The following RAD51B variants were observed in gnomAD, a reference collection of about 807,000 sequenced individuals.
RAD51B encodes the protein DNA repair protein RAD51 homolog 2.
In RAD51B, 38 loss-of-function variants were observed where a neutral mutation model predicts 42.2. That is an observed-to-expected ratio of 0.90 (90% CI 0.70 to 1.18). The LOEUF is 1.18. Among genes scored for constraint, RAD51B ranks in the 50% most tolerant of loss-of-function variants. The pLI is 0.00. For synonymous variants in RAD51B, 154 were observed against 145.2 expected (o/e 1.06, Z -0.43); for missense variants, 373 against 400.7 (o/e 0.93, Z 0.59).
chr14:68,582,700 A>G (rs1890265630), intron 10 of RAD51B, among the ~76,000 whole-genome samples: 1 of 152,242 alleles, frequency 6.6e-6, no homozygotes, highest in African/African-American at 2.4e-5. Context: ...AGACACATGC[A>G]CACGTATGTT....
At chr14:68,529,287 C>T (rs1268672837) in intron 10 of RAD51B, among the ~76,000 whole-genome samples, 1 of 152,224 alleles carries the variant, frequency 6.6e-6, no homozygotes, top group Non-Finnish European at 1.5e-5. Flanking sequence ...ACTTCCTCCT[C>T]CTAGGTTCAG....
Position 68,219,211 on chromosome 14 carries a change from C to T in RAD51B, c.757-72673C>T, listed in dbSNP as rs77816847. Among the ~76,000 whole-genome samples the T allele has an allele frequency of 5.1e-3, 772 of 152,268 alleles. 7 individuals are homozygous for T. Among genetic ancestry groups the T allele is most frequent in the African/African-American group, 0.018 (728 of 41,536 alleles). On this transcript the variant is annotated intron_variant, in intron 7 of 10. Coordinates refer to ENST00000471583, the MANE Select transcript of RAD51B (RefSeq NM_133510.4). ...AATTTTTTTCTCCCATGAGGATGCA[C>T]TATGAAGGAAACCGCTAGGAAATTG...
At chr14:67,936,176 C>T (rs1464462810) in intron 7 of RAD51B, among the ~76,000 whole-genome samples, 1 of 152,258 alleles carries the variant, frequency 6.6e-6, no homozygotes, top group Middle Eastern at 3.4e-3. Context: ...GTGCAACGAT[C>T]ACCACAGTCT....
At chr14:68,456,700 T>C (rs2085695523) in intron 9 of RAD51B, among the ~76,000 whole-genome samples, 1 of 151,928 alleles carries the variant, frequency 6.6e-6, no homozygotes, top group Non-Finnish European at 1.5e-5. Context: ...AGCAAAGAAA[T>C]AGAAGACTCA....
At chr14:68,031,397 A>G (rs1427385244) in intron 7 of RAD51B, among the ~76,000 whole-genome samples, 3 of 152,196 alleles carry the variant, frequency 2.0e-5, no homozygotes, top group Non-Finnish European at 2.9e-5. Context: ...TTGGGTGGGG[A>G]CACAGAGCCA....
intron 8 of RAD51B, among the ~76,000 whole-genome samples, chr14:68,353,600 AG>A (rs2082834339): frequency 6.6e-6 from 1 of 152,194 alleles, no homozygotes; most frequent in African/African-American, 2.4e-5. Flanking sequence ...ATCAGGGCTG[AG>A]GAAGGTGCAT....
intron 7 of RAD51B, among the ~76,000 whole-genome samples, chr14:68,171,500 C>T (rs1193757563): frequency 6.6e-6 from 1 of 151,998 alleles, no homozygotes; most frequent in East Asian, 1.9e-4. Flanking sequence ...AGTGTTTCAC[C>T]ATGTTGGCCC....
intron 7 of RAD51B, among the ~76,000 whole-genome samples, chr14:68,074,797 C>T (rs2076806528): frequency 6.6e-6 from 1 of 152,180 alleles, no homozygotes; most frequent in Non-Finnish European, 1.5e-5. Flanking sequence ...CGTATATTAG[C>T]AAAGTATTTT....
chr14:68,273,092 G>C (rs1595640338), intron 7 of RAD51B, among the ~76,000 whole-genome samples: 1 of 152,132 alleles, frequency 6.6e-6, no homozygotes, highest in African/African-American at 2.4e-5. Flanking sequence ...AAAGAGCCAC[G>C]AGTGACCACT....
At chr14:68,539,848 T>C (rs983634408) in intron 10 of RAD51B, among the ~76,000 whole-genome samples, 1 of 152,226 alleles carries the variant, frequency 6.6e-6, no homozygotes, top group Admixed American at 6.5e-5. Flanking sequence ...GGAGGGACTT[T>C]TCTTCCTCAT....
intron 7 of RAD51B, among the ~76,000 whole-genome samples, chr14:68,111,617 G>A (rs534216130): frequency 4.6e-5 from 7 of 151,942 alleles, no homozygotes; most frequent in Non-Finnish European, 1.0e-4. Context: ...ACCATCCTAC[G>A]TACTTTGGTT....
intron 8 of RAD51B, among the ~76,000 whole-genome samples, chr14:68,299,419 C>T (rs1246542199): frequency 6.6e-6 from 1 of 152,056 alleles, no homozygotes; most frequent in Non-Finnish European, 1.5e-5. Context: ...TCATTATTCC[C>T]TAAACAGTAC....
rs932685576 is a variant in RAD51B at position 68,420,435 on chromosome 14, GT to G, written c.957+8918del. 6.3e-3 allele frequency among the ~76,000 whole-genome samples: 945 copies of G among 150,192 alleles called. 5 individuals carry two copies. Among genetic ancestry groups the G allele is most frequent in the African/African-American group, 0.021 (859 of 41,000 alleles). On this transcript the variant is annotated intron_variant, in intron 9 of 10. Coordinates refer to ENST00000471583, the MANE Select transcript of RAD51B (RefSeq NM_133510.4). ...AGCTGCTGGCTCGCTATTTTTATGG[GT>G]TTTTTTTTTATTATATGCTAAACAA...
chr14:68,431,689 T>C (rs1313067991), intron 9 of RAD51B, among the ~76,000 whole-genome samples: 2 of 152,314 alleles, frequency 1.3e-5, no homozygotes, highest in East Asian at 3.9e-4. Context: ...TTGTTGATCT[T>C]TTCAAAAAAC....
intron 10 of RAD51B, among the ~76,000 whole-genome samples, chr14:68,575,257 G>T (rs56112360): frequency 6.6e-6 from 1 of 152,160 alleles, no homozygotes; most frequent in Non-Finnish European, 1.5e-5. Context: ...TGAGGGACTC[G>T]AGTCTCTGAG....
At chr14:67,934,132 A>C (rs2044843801) in intron 7 of RAD51B, among the ~76,000 whole-genome samples, 1 of 152,194 alleles carries the variant, frequency 6.6e-6, no homozygotes, top group East Asian at 1.9e-4. Flanking sequence ...CTTAACTTTC[A>C]TGTTTCCTGG....
At chr14:68,218,449 T>C (rs2079858970) in intron 7 of RAD51B, among the ~76,000 whole-genome samples, 1 of 152,236 alleles carries the variant, frequency 6.6e-6, no homozygotes, top group Non-Finnish European at 1.5e-5. Flanking sequence ...ATCAGTAGTA[T>C]TTTTGATACT....
chr14:68,195,756 A>G lies in RAD51B; in HGVS notation c.757-96128A>G, dbSNP rs556129117. 5.3e-5 allele frequency among the ~76,000 whole-genome samples: 8 copies of G among 151,762 alleles called. No individual in the cohort carries two copies. In the East Asian group the frequency reaches 1.6e-3, roughly 29 times the overall value. On this transcript the variant is annotated intron_variant, in intron 7 of 10. Coordinates refer to ENST00000471583, the MANE Select transcript of RAD51B (RefSeq NM_133510.4). ...AAAACCTGTCCCTACTAAAAATACA[A>G]AATTAGCCAGGCATGGTGGCACATG... is the stretch of plus-strand genomic sequence containing the variant.
At chr14:68,465,558 C>A (rs990522951) in intron 9 of RAD51B, among the ~76,000 whole-genome samples, 3 of 152,108 alleles carry the variant, frequency 2.0e-5, no homozygotes, top group African/African-American at 7.2e-5. Context: ...TCAACAGGAC[C>A]CATAGGTGAT....
Sources: gnomAD v4.1 joint callset for allele counts (sites outside exome capture counted in the v4.1 genomes callset) on GRCh38, gnomAD v4.1.1 for gene constraint, MANE v1.5 for transcripts, NCBI Gene and HGNC (gene_info 2026-07-23, HGNC 2026-07-21) for gene names.